Variants in FSCN1 observed in about 807,000 individuals in gnomAD.
FSCN1 encodes fascin.
FSCN1 carries 10 observed loss-of-function variants against 39.7 expected under a neutral mutation model. The ratio of observed to expected loss-of-function variants is 0.25; its 90% CI spans 0.16 to 0.43. FSCN1 has a LOEUF of 0.43. Ranked by LOEUF, FSCN1 falls within the 20% of genes least tolerant of loss-of-function variation. The pLI is 1.00. For synonymous variants in FSCN1, 322 were observed against 320.0 expected, an observed-to-expected ratio of 1.01 and a Z score of -0.07; for missense variants, 525 against 723.8, an observed-to-expected ratio of 0.73 and a Z score of 3.15.
chr7:5,592,995 G>A lies in FSCN1; in HGVS notation c.59G>A (p.Gly20Asp), dbSNP rs1440546671. The change falls in exon 1 of 5, where the codon GGC becomes GAC. Residue 20 changes from glycine (G) to aspartate (D), a missense_variant. Coordinates refer to ENST00000382361, the MANE Select transcript of FSCN1 (RefSeq NM_003088.4). This position sits in a 1 kb window ranked among gnomAD's most constrained non-coding sequence, Gnocchi z 5.3. ...ATCCAGTTCGGCCTCATCAACTGCGGCAACAAGTACCTGACGGCCGAGGCG... is the reference window on the plus strand; with the variant it reads ...ATCCAGTTCGGCCTCATCAACTGCGACAACAAGTACCTGACGGCCGAGGCG... ...VQIQFGLINC[G>D]NKYLTAEAFG... The A allele has an allele frequency of 1.9e-6, 3 of 1,595,108 alleles. No individual in the cohort carries two copies. Among genetic ancestry groups the A allele is most frequent in the Non-Finnish European group, 2.6e-6 (3 of 1,171,084 alleles).
In FSCN1 at chr7:5,603,303, C is replaced by T. The variant is rs1562749191; in HGVS notation, c.879C>T (p.Thr293=). Residue 293 remains threonine (T), a synonymous_variant, in exon 2 of 5, where the codon ACC becomes ACT. Transcript: ENST00000382361. The surrounding 1 kb of genome is among the most constrained non-coding windows in gnomAD (Gnocchi z 8.5). ...AGGACGAGGAGACCGACCAGGAGAC[C>T]TTCCAGCTGGAGATCGACCGCGACA... is the stretch of plus-strand genomic sequence containing the variant. ...ANQDEETDQE[T]FQLEIDRDTK... The T allele has an allele frequency of 8.1e-6, 13 of 1,613,230 alleles. No individual in the cohort carries two copies. The highest frequency in any genetic ancestry group is 1.1e-5 in the Non-Finnish European group (13 of 1,180,026).
chr7:5,600,595 A>G (rs1464399410), intron 1 of FSCN1, among the ~76,000 whole-genome samples: 15 of 145,998 alleles, frequency 1.0e-4, no homozygotes, highest in African/African-American at 3.8e-4. Context: ...GGGTTCAAGC[A>G]ATTCTCCTGC....
chr7:5,594,753 A>G (rs1284947339), intron 1 of FSCN1: 1 of 151,984 alleles, frequency 6.6e-6, no homozygotes, highest in Non-Finnish European at 1.5e-5. Context: ...TCCGCGGGCG[A>G]CCGAGGGCGG....
intron 1 of FSCN1, among the ~76,000 whole-genome samples, chr7:5,595,867 G>T (rs1785720920): frequency 6.6e-6 from 1 of 152,188 alleles, no homozygotes; most frequent in Non-Finnish European, 1.5e-5. Context: ...GAGCCTGAGG[G>T]TGTTTTTGGC....
intron 1 of FSCN1, among the ~76,000 whole-genome samples, chr7:5,601,138 A>G (rs1157713181): frequency 6.6e-6 from 1 of 151,684 alleles, no homozygotes; most frequent in African/African-American, 2.4e-5. Context: ...GATGCCATAC[A>G]GAAAACAGTA....
Position 5,594,314 on chromosome 7 carries a change from C to T in FSCN1, c.832+546C>T, listed in dbSNP as rs962261129. On this transcript the variant is annotated intron_variant, in intron 1 of 4. Transcript: ENST00000382361. ...CGCCTCCACCTCCCCGTCTGCCCGG[C>T]CTTCCTCCACCTCCTCCCGCTGCCG... Among the ~76,000 whole-genome samples the T allele has an allele frequency of 2.6e-5, 4 of 152,008 alleles. No individual in the cohort carries two copies. In the South Asian group the frequency reaches 8.3e-4, roughly 31 times the overall value.
chr7:5,605,510 C>T lies in FSCN1; in HGVS notation c.*36C>T, dbSNP rs1481742199. The T allele has an allele frequency of 1.1e-5, 16 of 1,443,208 alleles. No individual in the cohort carries two copies. Among genetic ancestry groups the T allele is most frequent in the Non-Finnish European group, 1.4e-5 (15 of 1,063,548 alleles). 89.4% of individuals were successfully genotyped at this position (1,443,208 alleles called of 1,614,324 possible). On this transcript the variant is annotated 3_prime_UTR_variant, in exon 5 of 5. Transcript: ENST00000382361. The surrounding 1 kb of genome is among the most constrained non-coding windows in gnomAD (Gnocchi z 6.9). ...TCCTTCCCCGCCCCTGCCCACATGG[C>T]GGCTCCTGCCAACCCTCCCTGCTAA... is the stretch of plus-strand genomic sequence containing the variant.
chr7:5,593,183 G>C lies in FSCN1; in HGVS notation c.247G>C (p.Glu83Gln). ...DKDGNVTCER[E>Q]VPGPDCRFLI... ...GGACGGCAACGTGACCTGCGAGCGC[G>C]AGGTGCCCGGTCCCGACTGCCGTTT... is the stretch of plus-strand genomic sequence containing the variant. Residue 83 changes from glutamate to glutamine, a missense_variant, in exon 1 of 5, where the codon GAG (glutamate) becomes CAG (glutamine). By Grantham distance (29) the Glu-to-Gln change is conservative. This residue lies in a region of FSCN1 where 246 missense variants were observed against 350.6 expected (regional missense o/e 0.70). Transcript: ENST00000382361. 6.2e-7 allele frequency: 1 copy of C among 1,602,378 alleles called. No homozygotes were observed. Among genetic ancestry groups the C allele is most frequent in the Non-Finnish European group, 8.5e-7 (1 of 1,175,778 alleles).
chr7:5,594,724 C>T (rs1160794543), intron 1 of FSCN1: 1 of 152,168 alleles, frequency 6.6e-6, no homozygotes, highest in Non-Finnish European at 1.5e-5. Flanking sequence ...CGTCTCCAGG[C>T]CGGTGCGCTG....
chr7:5,593,746 G>C lies in FSCN1; in HGVS notation c.810G>C (p.Glu270Asp), dbSNP rs1216260589. Residue 270 changes from glutamate (E) to aspartate (D), a missense_variant, in exon 1 of 5, where the codon GAG (glutamate) becomes GAC (aspartate). Glu to Asp is a conservative substitution (Grantham distance 45). Transcript: ENST00000382361. ...CAQVVLQAAN[E>D]RNVSTRQGMD... ...AGGTCGTGCTGCAGGCGGCCAACGA[G>C]AGGAACGTGTCCACGCGCCAGGGTG... 1 of 1,587,674 alleles carries C rather than the reference G, an allele frequency of 6.3e-7. No individual in the cohort carries two copies. Among genetic ancestry groups the C allele is most frequent in the Non-Finnish European group, 8.5e-7 (1 of 1,173,894 alleles).
chr7:5,606,111 GC>G lies in FSCN1; in HGVS notation c.*640del, dbSNP rs1281710020. On this transcript the variant is annotated 3_prime_UTR_variant, in exon 5 of 5. Transcript: ENST00000382361. The surrounding 1 kb of genome is among the most constrained non-coding windows in gnomAD (Gnocchi z 5.1). ...GCAGGGCGTGACGGCCACAGGGTCT[GC>G]CCGCTGCACGTTCTGCCAAGGTGGT... The G allele has an allele frequency of 1.3e-5, 2 of 152,260 alleles. No homozygotes were observed. Among genetic ancestry groups the G allele is most frequent in the Non-Finnish European group, 2.9e-5 (2 of 68,088 alleles). The allele number at this position is 152,260 out of a possible 1,614,324, so 9.4% of individuals were successfully genotyped here.
In FSCN1 at chr7:5,599,734, A is replaced by G. The variant is rs1364240321; in HGVS notation, c.833-3523A>G. Among the ~76,000 whole-genome samples the G allele has an allele frequency of 6.6e-6, 1 of 152,030 alleles. No individual in the cohort carries two copies. The highest frequency in any genetic ancestry group is 1.5e-5 in the Non-Finnish European group (1 of 67,988). ...GGCAAGAGGATCCTTTGAGCCCAGG[A>G]GGTGGAGGCTGTAGAGAGCCATGCT... On this transcript the variant is annotated intron_variant, in intron 1 of 4. Coordinates refer to ENST00000382361, the MANE Select transcript of FSCN1 (RefSeq NM_003088.4). The surrounding 1 kb of genome is among the most constrained non-coding windows in gnomAD (Gnocchi z 5.6).
intron 1 of FSCN1, among the ~76,000 whole-genome samples, chr7:5,600,287 G>A (rs2128549523): frequency 6.6e-6 from 1 of 151,812 alleles, no homozygotes; most frequent in Admixed American, 6.6e-5. Context: ...AGTGGCGGGT[G>A]CCTGTAATCC....
chr7:5,598,838 C>T (rs1006346614), intron 1 of FSCN1, among the ~76,000 whole-genome samples: 13 of 152,214 alleles, frequency 8.5e-5, no homozygotes, highest in African/African-American at 2.7e-4. Flanking sequence ...GGAGCCCCAG[C>T]GCATTGGACA....
chr7:5,605,372 G>GGT lies in FSCN1; in HGVS notation c.1382_1383dup (p.Ala462TrpfsTer10), dbSNP rs1448702486. ...TCTTCGAGTTCTGCGACTATAACAA[G>GGT]GTGGCCATCAAGGTGGGCGGGCGCT... On this transcript the variant is annotated frameshift_variant, in exon 5 of 5. Coordinates refer to ENST00000382361, the MANE Select transcript of FSCN1 (RefSeq NM_003088.4). LOFTEE classifies it high-confidence loss of function. This position sits in a 1 kb window ranked among gnomAD's most constrained non-coding sequence, Gnocchi z 6.9. 6.2e-7 allele frequency: 1 copy of GGT among 1,613,840 alleles called. No homozygotes were observed. Among genetic ancestry groups the GGT allele is most frequent in the East Asian group, 2.2e-5 (1 of 44,888 alleles).
At position 5,593,644 on chromosome 7, in the gene FSCN1, C is replaced by T. The variant is rs1400178850; in HGVS notation, c.708C>T (p.Pro236=). 15 of 1,574,948 alleles carry T rather than the reference C, an allele frequency of 9.5e-6. No homozygotes were observed. Among genetic ancestry groups the T allele is most frequent in the Non-Finnish European group, 1.2e-5 (14 of 1,167,770 alleles). The change falls in exon 1 of 5, where the codon CCC becomes CCT. Residue 236 remains proline, a synonymous_variant. Transcript: ENST00000382361. ...GCCGTTACCTGGCGCCGTCGGGGCC[C>T]AGCGGCACGCTCAAGGCGGGCAAGG... ...CEGRYLAPSG[P]SGTLKAGKAT... is the part of the protein sequence containing the mutation.
intron 1 of FSCN1, among the ~76,000 whole-genome samples, chr7:5,602,064 C>T (rs1785841474): frequency 6.6e-6 from 1 of 151,698 alleles, no homozygotes; most frequent in Admixed American, 6.6e-5. Flanking sequence ...CCTGCCTCAG[C>T]CTCAGGCAAT....
At chr7:5,593,829 C>A in intron 1 of FSCN1, 61 bp downstream of exon 1, 1 of 1,131,228 alleles carries the variant, frequency 8.8e-7, no homozygotes, top group Non-Finnish European at 1.2e-6. Context: ...CCCACCCGCG[C>A]CCCTCCAGCC....
rs1339648355 is a variant in FSCN1 at position 5,603,696 on chromosome 7, C to G, written c.1111+79C>G. On this transcript the variant is annotated intron_variant, in intron 3 of 4. Coordinates refer to ENST00000382361, the MANE Select transcript of FSCN1 (RefSeq NM_003088.4). The surrounding 1 kb of genome is among the most constrained non-coding windows in gnomAD (Gnocchi z 8.5). ...GCCATGCCGTGGTCACTTGGTAGCC[C>G]CAGCCAAGGCCTGCTCTGTGCTGGG... is the stretch of plus-strand genomic sequence containing the variant. 1 of 1,586,818 alleles carries G rather than the reference C, an allele frequency of 6.3e-7. No homozygotes were observed. The highest frequency in any genetic ancestry group is 8.6e-7 in the Non-Finnish European group (1 of 1,159,552).
Sources: gnomAD v4.1 joint callset for allele counts (sites outside exome capture counted in the v4.1 genomes callset) on GRCh38, gnomAD v4.1.1 for gene constraint, gnomAD v4.1.1 regional missense constraint, Gnocchi (gnomAD v3.1) non-coding constraint, MANE v1.5 for transcripts, NCBI Gene and HGNC (gene_info 2026-07-23, HGNC 2026-07-21) for gene names.